IZUMO1: variants seen among roughly 807,000 people sequenced by gnomAD.
The protein encoded by IZUMO1 is izumo sperm-egg fusion protein 1.
IZUMO1 carries 44 observed loss-of-function variants against 40.7 expected under a neutral mutation model. The ratio of observed to expected loss-of-function variants is 1.08; its 90% CI spans 0.85 to 1.39. IZUMO1 has a LOEUF of 1.39. Among genes scored for constraint, IZUMO1 ranks in the 40% most tolerant of loss-of-function variants. The pLI is 0.00. For missense variants in IZUMO1, 368 were observed against 436.9 expected, an observed-to-expected ratio of 0.84 and a Z score of 1.41; for synonymous variants, 149 against 170.9, an observed-to-expected ratio of 0.87 and a Z score of 1.00.
intron 7 of IZUMO1, 91 bp downstream of exon 7, chr19:48,742,118 G>A: frequency 6.7e-7 from 1 of 1,484,958 alleles, no homozygotes; most frequent in Non-Finnish European, 9.4e-7. Context: ...ACCCTCCTGG[G>A]TCATGAGAAT....
At position 48,740,941 on chromosome 19, in the gene IZUMO1, T is replaced by G; in HGVS notation, c.1020A>C (p.Pro340=). The change falls in exon 10 of 10, where the codon CCA becomes CCC. Residue 340 remains proline (P), a synonymous_variant. Coordinates refer to ENST00000332955, the MANE Select transcript of IZUMO1 (RefSeq NM_182575.3). This position sits in a 1 kb window ranked among gnomAD's most constrained non-coding sequence, Gnocchi z 5.5. ...GCCTCGAATCTGTGGCCTTTTCTTT[T>G]GGGACCTGGGTTTGCTCGGCCGCTC... The part of the protein sequence containing the change: ...GSGAAEQTQV[P]KEKATDSRQQ 3 of 1,614,166 alleles carry G rather than the reference T, an allele frequency of 1.9e-6. No individual in the cohort carries two copies. The highest frequency in any genetic ancestry group is 2.5e-6 in the Non-Finnish European group (3 of 1,179,986).
In IZUMO1 at chr19:48,740,899, G is replaced by C. The variant is rs1338980473; in HGVS notation, c.*9C>G. On this transcript the variant is annotated 3_prime_UTR_variant, in exon 10 of 10. Coordinates refer to ENST00000332955, the MANE Select transcript of IZUMO1 (RefSeq NM_182575.3). This position sits in a 1 kb window ranked among gnomAD's most constrained non-coding sequence, Gnocchi z 5.5. ...AGTGAGTCAGATGCTTAGACAACAAGATAAATCTTTATTGTTGCCTCGAAT... is the reference window on the plus strand; with the variant it reads ...AGTGAGTCAGATGCTTAGACAACAACATAAATCTTTATTGTTGCCTCGAAT... 1.2e-6 allele frequency: 2 copies of C among 1,614,140 alleles called. No homozygotes were observed. The highest frequency in any genetic ancestry group is 2.2e-5 in the South Asian group (2 of 91,084).
At chr19:48,746,244 T>C in intron 1 of IZUMO1, 191 bp downstream of exon 1, 2 of 1,064,512 alleles carry the variant, frequency 1.9e-6, no homozygotes, top group Non-Finnish European at 1.1e-6. Flanking sequence ...CTGTGGAATT[T>C]TCCAAGTCCC....
Position 48,741,618 on chromosome 19 carries a change from C to T in IZUMO1, c.755-140G>A. 1.6e-6 allele frequency: 2 copies of T among 1,249,558 alleles called. No individual in the cohort carries two copies. Among genetic ancestry groups the T allele is most frequent in the Non-Finnish European group, 2.2e-6 (2 of 910,162 alleles). The allele number at this position is 1,249,558 out of a possible 1,614,324, so 77.4% of individuals were successfully genotyped here. ...TCAAGCCTGAACACACCCAAGGGAA[C>T]CCCTGTCCTCGGGGCCAGAGGCCAC... On this transcript the variant is annotated intron_variant, in intron 8 of 9. Transcript: ENST00000332955. The surrounding 1 kb of genome is among the most constrained non-coding windows in gnomAD (Gnocchi z 4.4).
rs2033896229 is a variant in IZUMO1, at chr19:48,746,731, A to G, written c.-370T>C. 1 of 985,318 alleles carries G rather than the reference A, an allele frequency of 1.0e-6. No homozygotes were observed. The highest frequency in any genetic ancestry group is 1.7e-5 in the African/African-American group (1 of 57,272). The allele number at this position is 985,318 out of a possible 1,614,324, so 61.0% of individuals were successfully genotyped here. On this transcript the variant is annotated 5_prime_UTR_variant, in exon 1 of 10. Coordinates refer to ENST00000332955, the MANE Select transcript of IZUMO1 (RefSeq NM_182575.3). Reference sequence around the variant, plus strand: ...AGCCGGGGTCATGACCACCTACGCTAATTTTCCCAGGGGTAAAATCAAGGA... The same window carrying G: ...AGCCGGGGTCATGACCACCTACGCTGATTTTCCCAGGGGTAAAATCAAGGA...
In IZUMO1 at chr19:48,745,245, A is replaced by G; in HGVS notation, c.279T>C (p.Asp93=). The change falls in exon 3 of 10, where the codon GAT becomes GAC. Residue 93 remains aspartate (D), a synonymous_variant. Transcript: ENST00000332955. ...LQKGSWSLLK[D]LKRITDSDVK... ...CATCACTGTCTGTGATGCGTTTCAG[A>G]TCCTTCAGCAAACTCCAGGACCCCT... 1 of 1,613,986 alleles carries G rather than the reference A, an allele frequency of 6.2e-7. No individual in the cohort carries two copies. The highest frequency in any genetic ancestry group is 8.5e-7 in the Non-Finnish European group (1 of 1,179,978).
chr19:48,746,118 C>T, intron 1 of IZUMO1, 186 bp from the exon 2 acceptor site: 2 of 1,350,848 alleles, frequency 1.5e-6, no homozygotes, highest in East Asian at 2.9e-5. Context: ...TTAGGGTTCT[C>T]ACTGAATCCC....
At chr19:48,745,450 T>G (rs778810242) in intron 2 of IZUMO1, 162 bp from the exon 3 acceptor site, 53 of 1,019,644 alleles carry the variant, frequency 5.2e-5, no homozygotes, top group South Asian at 1.1e-4. Context: ...TACATAAAAT[T>G]GCCAGCCGAG....
Position 48,741,769 on chromosome 19 carries a change from C to G in IZUMO1, c.754+20G>C, listed in dbSNP as rs1568485946. 2.6e-6 allele frequency: 4 copies of G among 1,538,698 alleles called. No individual in the cohort carries two copies. The highest frequency in any genetic ancestry group is 3.5e-6 in the Non-Finnish European group (4 of 1,138,462). On this transcript the variant is annotated intron_variant, in intron 8 of 9. Coordinates refer to ENST00000332955, the MANE Select transcript of IZUMO1 (RefSeq NM_182575.3). The surrounding 1 kb of genome is among the most constrained non-coding windows in gnomAD (Gnocchi z 4.4). ...CCTGGGCCCTGAATCCTACACTTCT[C>G]TCAGCCCCACAGCACTGACCTGTGA...
At chr19:48,744,279 G>A in intron 4 of IZUMO1, 84 bp from the exon 5 acceptor site, 1 of 1,433,798 alleles carries the variant, frequency 7.0e-7, no homozygotes, top group East Asian at 2.3e-5. Flanking sequence ...GAGGGGGTTG[G>A]GGGAAGAGCT....
At chr19:48,744,596 G>A in intron 3 of IZUMO1, 57 bp from the exon 4 acceptor site, 1 of 1,279,394 alleles carries the variant, frequency 7.8e-7, no homozygotes, top group Non-Finnish European at 1.1e-6. Context: ...GTTTACTTCT[G>A]CCTGCAGAGT....
Position 48,743,541 on chromosome 19 carries a change from C to T in IZUMO1, c.419-16G>A. On this transcript the variant is annotated splice_polypyrimidine_tract_variant and intron_variant, in intron 5 of 9. Transcript: ENST00000332955. ...AACATCACACCTGGAGGGGCAGGGT[C>T]AAGGCTTGTATTTGCCCACTAAGGG... 1 of 1,597,694 alleles carries T rather than the reference C, an allele frequency of 6.3e-7. No homozygotes were observed. Among genetic ancestry groups the T allele is most frequent in the African/African-American group, 1.3e-5 (1 of 74,718 alleles).
Position 48,741,850 on chromosome 19 carries a change from G to C in IZUMO1, c.693C>G (p.Tyr231Ter). The C allele has an allele frequency of 6.2e-7, 1 of 1,611,256 alleles. No individual in the cohort carries two copies. The highest frequency in any genetic ancestry group is 8.5e-7 in the Non-Finnish European group (1 of 1,177,852). Reference sequence around the variant, plus strand: ...AATTCACAGAGCCCAGCTCGCAGCGGTAGCTGCCTGCATCCTCTGGACCCA... The same window carrying C: ...AATTCACAGAGCCCAGCTCGCAGCGCTAGCTGCCTGCATCCTCTGGACCCA... The part of the protein sequence containing the change: ...PMVGPEDAGS[Y>*]RCELGSVNSS... The change falls in exon 8 of 10, where the codon TAC becomes TAG. Residue 231 changes from tyrosine to a stop codon, truncating the protein, a stop_gained. Coordinates refer to ENST00000332955, the MANE Select transcript of IZUMO1 (RefSeq NM_182575.3). LOFTEE classifies it high-confidence loss of function. This position sits in a 1 kb window ranked among gnomAD's most constrained non-coding sequence, Gnocchi z 4.4.
At position 48,741,009 on chromosome 19, in the gene IZUMO1, C is replaced by T. The variant is rs754571439; in HGVS notation, c.952G>A (p.Val318Met). The T allele has an allele frequency of 6.2e-7, 1 of 1,614,078 alleles. No individual in the cohort carries two copies. The highest frequency in any genetic ancestry group is 1.7e-5 in the Admixed American group (1 of 60,022). ...AGTGAGGATTTGATGAAATCGATCACCTTCCTTCGACGAAATATCCTAGGG... is the reference window on the plus strand; with the variant it reads ...AGTGAGGATTTGATGAAATCGATCATCTTCCTTCGACGAAATATCCTAGGG... Reference protein sequence around the residue: ...LTFAIFRRRKVIDFIKSSLFG... With the variant: ...LTFAIFRRRKMIDFIKSSLFG... The change falls in exon 10 of 10, where the codon GTG becomes ATG. Residue 318 changes from valine to methionine, a missense_variant. Physicochemically the swap from Val to Met is conservative, Grantham distance 21. Coordinates refer to ENST00000332955, the MANE Select transcript of IZUMO1 (RefSeq NM_182575.3). This position sits in a 1 kb window ranked among gnomAD's most constrained non-coding sequence, Gnocchi z 4.4.
chr19:48,745,525 TC>T (rs1451426629), intron 2 of IZUMO1, 99 bp downstream of exon 2: 3 of 1,424,368 alleles, frequency 2.1e-6, no homozygotes, highest in Non-Finnish European at 2.9e-6. Context: ...CCTTCTCCAT[TC>T]CCGAATCCCG....
intron 5 of IZUMO1, 175 bp downstream of exon 5, chr19:48,744,000 T>C (rs1012807028): frequency 2.3e-5 from 15 of 654,714 alleles, no homozygotes; most frequent in African/African-American, 3.7e-5. Context: ...AAAAAAAGAG[T>C]GTAAGTAGAA....
chr19:48,743,414 C>T (rs756945369), intron 6 of IZUMO1, 31 bp downstream of exon 6: 28 of 1,612,526 alleles, frequency 1.7e-5, no homozygotes, highest in Admixed American at 1.5e-4. Flanking sequence ...CCACCTGCAC[C>T]AATTCCTCCT....
chr19:48,742,441 G>A (rs922363664), intron 6 of IZUMO1, 132 bp from the exon 7 acceptor site: 1 of 658,294 alleles, frequency 1.5e-6, no homozygotes, highest in Non-Finnish European at 2.7e-6. Context: ...TCCGCTTCCT[G>A]GGTTCAAGCG....
At chr19:48,743,819 C>T (rs999819628) in intron 5 of IZUMO1, 8 of 486,564 alleles carry the variant, frequency 1.6e-5, no homozygotes, top group African/African-American at 9.8e-5. Context: ...GGTGAAACCC[C>T]GTCTCTGCTA....
Sources: gnomAD v4.1 joint callset for allele counts on GRCh38, gnomAD v4.1.1 for gene constraint, Gnocchi (gnomAD v3.1) non-coding constraint, MANE v1.5 for transcripts, NCBI Gene and HGNC (gene_info 2026-07-23, HGNC 2026-07-21) for gene names.